The following MTSS1 variants were observed in gnomAD, a reference collection of about 807,000 sequenced individuals.
The protein encoded by MTSS1 is MTSS I-BAR domain containing 1, also known as protein MTSS 1.
Under a neutral mutation model 79.0 loss-of-function variants are expected in MTSS1, and 18 were observed. That is an observed-to-expected ratio of 0.23 (90% CI 0.16 to 0.34). The LOEUF (loss-of-function observed/expected upper bound fraction) is 0.34. MTSS1 is among the 10% of genes least tolerant of loss of function. The pLI is 1.00. For missense variants in MTSS1, 815 were observed against 986.2 expected, an observed-to-expected ratio of 0.83 and a Z score of 2.33; for synonymous variants, 341 against 368.6, an observed-to-expected ratio of 0.93 and a Z score of 0.86.
chr8:124,640,326 C>T (rs558146157), intron 3 of MTSS1, among the ~76,000 whole-genome samples: 3 of 152,336 alleles, frequency 2.0e-5, no homozygotes, highest in South Asian at 2.1e-4. Flanking sequence ...AAAAATTATA[C>T]GCACACACCT....
chr8:124,723,770 G>T (rs770385142), intron 1 of MTSS1, among the ~76,000 whole-genome samples: 1 of 152,208 alleles, frequency 6.6e-6, no homozygotes, highest in Non-Finnish European at 1.5e-5. Context: ...CCAACATGGG[G>T]CCCATGTGTC....
intron 3 of MTSS1, among the ~76,000 whole-genome samples, chr8:124,682,406 C>G (rs922729153): frequency 6.6e-6 from 1 of 152,234 alleles, no homozygotes. Flanking sequence ...ATCCCTTCAA[C>G]GCTTCCTCTT....
chr8:124,615,441 C>A (rs1343141913), intron 3 of MTSS1, among the ~76,000 whole-genome samples: 2 of 152,052 alleles, frequency 1.3e-5, no homozygotes. Flanking sequence ...GCTCTGAGGA[C>A]ATAATGCTAA....
intron 1 of MTSS1, among the ~76,000 whole-genome samples, chr8:124,711,949 A>T (rs1462268802): frequency 6.6e-6 from 1 of 151,798 alleles, no homozygotes; most frequent in East Asian, 1.9e-4. Flanking sequence ...CAGAGGTTAC[A>T]ATGAGCCGAG....
At chr8:124,635,868 A>G (rs1816884464) in intron 3 of MTSS1, among the ~76,000 whole-genome samples, 2 of 152,100 alleles carry the variant, frequency 1.3e-5, no homozygotes, top group South Asian at 4.1e-4. Flanking sequence ...CAAAACAACA[A>G]GAAAGCCTAC....
Position 124,623,654 on chromosome 8 carries a change from G to A in MTSS1, c.209-32419C>T, listed in dbSNP as rs543528282. On this transcript the variant is annotated intron_variant, in intron 3 of 13. Transcript: ENST00000518547. Reference sequence around the variant, plus strand: ...TTGTTTGTTTGTTTGTTTGTTTTGAGACAGGGTCTTGCTCTGTCACCCAGG... The same window carrying A: ...TTGTTTGTTTGTTTGTTTGTTTTGAAACAGGGTCTTGCTCTGTCACCCAGG... Among the ~76,000 whole-genome samples, 10 of 151,340 alleles carry A rather than the reference G, an allele frequency of 6.6e-5. No individual in the cohort carries two copies. The East Asian group carries it at 1.4e-3, about 20-fold the overall frequency.
At chr8:124,569,194 CCTGGCCCATGTTTAGGAATTAT>C (rs1296619078) in intron 6 of MTSS1, among the ~76,000 whole-genome samples, 1 of 152,126 alleles carries the variant, frequency 6.6e-6, no homozygotes, top group African/African-American at 2.4e-5. Flanking sequence ...CTATGCGGAG[CCTGGCCCATGTTTAGGAATTAT>C]CTGGCCAGGT....
chr8:124,579,327 T>C (rs1024864700), intron 6 of MTSS1, among the ~76,000 whole-genome samples: 2 of 152,132 alleles, frequency 1.3e-5, no homozygotes, highest in Non-Finnish European at 2.9e-5. Context: ...AGAAGGCAGA[T>C]GAGTGGTTGT....
intron 3 of MTSS1, among the ~76,000 whole-genome samples, chr8:124,599,849 A>C (rs1833467123): frequency 6.6e-6 from 1 of 152,146 alleles, no homozygotes; most frequent in African/African-American, 2.4e-5. Context: ...CACCATGGCT[A>C]ATCTAGAGTC....
chr8:124,553,794 C>T lies in MTSS1; in HGVS notation c.1568-102G>A. On this transcript the variant is annotated intron_variant, in intron 13 of 13. Transcript: ENST00000518547. The surrounding 1 kb of genome is among the most constrained non-coding windows in gnomAD (Gnocchi z 6.0). Reference sequence around the variant, plus strand: ...AGGCACGCAAGGCAGGGTACACACACAGTCTCATCCCAAGCTTCCCCCAGG... The same window carrying T: ...AGGCACGCAAGGCAGGGTACACACATAGTCTCATCCCAAGCTTCCCCCAGG... The T allele has an allele frequency of 1.0e-6, 1 of 1,000,914 alleles. No individual in the cohort carries two copies. Among genetic ancestry groups the T allele is most frequent in the South Asian group, 1.7e-5 (1 of 59,340 alleles). The allele number at this position is 1,000,914 out of a possible 1,614,324, so 62.0% of individuals were successfully genotyped here.
At chr8:124,675,712 T>C (rs1825161337) in intron 3 of MTSS1, among the ~76,000 whole-genome samples, 1 of 151,716 alleles carries the variant, frequency 6.6e-6, no homozygotes, top group Non-Finnish European at 1.5e-5. Context: ...CTCTATGGAT[T>C]TACCTATCCT....
At chr8:124,664,081 T>C (rs954018613) in intron 3 of MTSS1, among the ~76,000 whole-genome samples, 1 of 152,060 alleles carries the variant, frequency 6.6e-6, no homozygotes, top group Non-Finnish European at 1.5e-5. Flanking sequence ...GCAGGTGAGG[T>C]CCAGGTGGGG....
chr8:124,556,265 T>C lies in MTSS1; in HGVS notation c.1371A>G (p.Arg457=), dbSNP rs779375889. The C allele has an allele frequency of 6.2e-7, 1 of 1,614,184 alleles. No individual in the cohort carries two copies. The highest frequency in any genetic ancestry group is 1.1e-5 in the South Asian group (1 of 91,086). Residue 457 remains arginine (R), a synonymous_variant, in exon 12 of 14, where the codon AGA becomes AGG. Transcript: ENST00000518547. Reference sequence around the variant, plus strand: ...CAGCCGATACAGTCATGCTCCGTGGTCTCTGAGCCTCCTCAGCTGCTGCAG... The same window carrying C: ...CAGCCGATACAGTCATGCTCCGTGGCCTCTGAGCCTCCTCAGCTGCTGCAG... The part of the protein sequence containing the change: ...GPPAAAEEAQ[R]PRSMTVSAAT...
intron 3 of MTSS1, among the ~76,000 whole-genome samples, chr8:124,691,542 G>C (rs142845548): frequency 0.012 from 1,823 of 152,038 alleles, 42 homozygotes; most frequent in African/African-American, 0.042. Context: ...TTGAGACCAA[G>C]TCTTGCTCTG....
chr8:124,606,955 C>T (rs557117476), intron 3 of MTSS1, among the ~76,000 whole-genome samples: 33 of 152,254 alleles, frequency 2.2e-4, no homozygotes, highest in African/African-American at 7.7e-4. Context: ...GACTCCCCTC[C>T]GCAACCTGTC....
At chr8:124,568,089 AGTTCCCACGT>A in intron 7 of MTSS1, 1 of 770,428 alleles carries the variant, frequency 1.3e-6, no homozygotes. Context: ...ATTTCTAGCC[AGTTCCCACGT>A]GATGCTGCTG....
At chr8:124,712,380 C>T (rs868296534) in intron 1 of MTSS1, among the ~76,000 whole-genome samples, 4 of 152,194 alleles carry the variant, frequency 2.6e-5, no homozygotes, top group South Asian at 2.1e-4. Context: ...AGCTGCTTTA[C>T]GCAGCTTCCA....
At chr8:124,708,669 G>A (rs778121155) in intron 1 of MTSS1, among the ~76,000 whole-genome samples, 209 of 152,216 alleles carry the variant, frequency 1.4e-3, no homozygotes, top group Middle Eastern at 3.4e-3. Flanking sequence ...CACTTGGAGC[G>A]TCATTTCAGT....
At chr8:124,671,373 G>A (rs902997326) in intron 3 of MTSS1, among the ~76,000 whole-genome samples, 5 of 152,044 alleles carry the variant, frequency 3.3e-5, no homozygotes, top group African/African-American at 9.7e-5. Flanking sequence ...CTCGAATGAT[G>A]GGGCCCCTCT....
Sources: gnomAD v4.1 joint callset for allele counts (sites outside exome capture counted in the v4.1 genomes callset) on GRCh38, gnomAD v4.1.1 for gene constraint, Gnocchi (gnomAD v3.1) non-coding constraint, MANE v1.5 for transcripts, NCBI Gene and HGNC (gene_info 2026-07-23, HGNC 2026-07-21) for gene names.